GABRG3: variants seen among roughly 807,000 people sequenced by gnomAD.
GABRG3 encodes gamma-aminobutyric acid type A receptor subunit gamma3.
In GABRG3, 25 loss-of-function variants were observed where a neutral mutation model predicts 48.8. That is an observed-to-expected ratio of 0.51 (90% CI 0.37 to 0.72). The LOEUF is 0.72. Ranked by LOEUF, GABRG3 falls within the 30% of genes least tolerant of loss-of-function variation. GABRG3 has a pLI of 0.00. For missense variants in GABRG3, 394 were observed against 577.9 expected, an observed-to-expected ratio of 0.68 and a Z score of 3.26; for synonymous variants, 227 against 217.6, an observed-to-expected ratio of 1.04 and a Z score of -0.38.
intron 3 of GABRG3, among the ~76,000 whole-genome samples, chr15:27,051,361 T>C (rs1896452838): frequency 6.6e-6 from 1 of 152,202 alleles, no homozygotes; most frequent in African/African-American, 2.4e-5. Flanking sequence ...TAAACTATAG[T>C]GAATTAGCCA....
chr15:27,118,754 C>T (rs1897684139), intron 3 of GABRG3, among the ~76,000 whole-genome samples: 2 of 152,128 alleles, frequency 1.3e-5, no homozygotes, highest in South Asian at 4.2e-4. Flanking sequence ...CTATATTTAC[C>T]CTTCATGTAT....
At chr15:27,245,614 C>CTG (rs1440727153) in intron 3 of GABRG3, among the ~76,000 whole-genome samples, 1 of 152,146 alleles carries the variant, frequency 6.6e-6, no homozygotes, top group African/African-American at 2.4e-5. Flanking sequence ...TGGCTCACAC[C>CTG]TGTAATCCCA....
Position 27,480,724 on chromosome 15 carries a change from C to A in GABRG3, c.649C>A (p.Arg217=), listed in dbSNP as rs77287112. The change falls in exon 6 of 10, where the codon CGG becomes AGG. Residue 217 remains arginine (R), a synonymous_variant. Transcript: ENST00000615808. ...GGAGGCAGCTGACCAGAAATCATGGCGGCTTTATCAGTTTGACTTCATGGG... is the reference window on the plus strand; with the variant it reads ...GGAGGCAGCTGACCAGAAATCATGGAGGCTTTATCAGTTTGACTTCATGGG... The part of the protein sequence containing the change: ...SVEAADQKSW[R]LYQFDFMGLR... 6.2e-7 allele frequency: 1 copy of A among 1,613,400 alleles called. No homozygotes were observed. The highest frequency in any genetic ancestry group is 8.5e-7 in the Non-Finnish European group (1 of 1,179,674).
chr15:27,011,708 T>C (rs993523407), intron 2 of GABRG3, among the ~76,000 whole-genome samples: 6 of 151,480 alleles, frequency 4.0e-5, no homozygotes, highest in African/African-American at 1.2e-4. Flanking sequence ...ATTAGCCGGG[T>C]GTGGTGGTGG....
At chr15:27,455,370 G>A (rs1889232921) in intron 5 of GABRG3, among the ~76,000 whole-genome samples, 2 of 93,622 alleles carry the variant, frequency 2.1e-5, no homozygotes, top group Non-Finnish European at 4.6e-5. Flanking sequence ...GCCGTGGGTG[G>A]TTCGTGTATG....
intron 3 of GABRG3, among the ~76,000 whole-genome samples, chr15:27,171,573 T>TAG (rs1887574442): frequency 1.3e-5 from 2 of 149,912 alleles, no homozygotes; most frequent in East Asian, 1.9e-4. Context: ...TATATATATA[T>TAG]ATAGAGAGAG....
rs148189681 is a variant in GABRG3 at position 27,270,702 on chromosome 15, G to A, written c.271-56107G>A. Among the ~76,000 whole-genome samples, 30 of 152,216 alleles carry A rather than the reference G, an allele frequency of 2.0e-4. No homozygotes were observed. In the East Asian group the frequency reaches 3.3e-3, roughly 17 times the overall value. ...ACTACAGCAAATAACAATGGAGTGCGTATTTCAAGAGTGTTAGAGATGTAA... is the reference window on the plus strand; with the variant it reads ...ACTACAGCAAATAACAATGGAGTGCATATTTCAAGAGTGTTAGAGATGTAA... On this transcript the variant is annotated intron_variant, in intron 3 of 9. Transcript: ENST00000615808.
intron 5 of GABRG3, among the ~76,000 whole-genome samples, chr15:27,466,788 G>A (rs982017144): frequency 3.9e-5 from 6 of 152,182 alleles, no homozygotes; most frequent in Admixed American, 3.3e-4. Context: ...GCAGTGGGGC[G>A]ACTGCTGCTC....
chr15:27,374,285 A>T (rs763943581), intron 5 of GABRG3, among the ~76,000 whole-genome samples: 1 of 151,424 alleles, frequency 6.6e-6, no homozygotes. Flanking sequence ...GGTTTGCACC[A>T]CCATGCCTGG....
At chr15:27,022,957 A>G (rs1895924059) in intron 2 of GABRG3, among the ~76,000 whole-genome samples, 1 of 152,188 alleles carries the variant, frequency 6.6e-6, no homozygotes, top group Admixed American at 6.5e-5. Flanking sequence ...CCATCAACGG[A>G]GCAAATGTGG....
chr15:27,414,793 G>A (rs550985360), intron 5 of GABRG3, among the ~76,000 whole-genome samples: 9 of 152,168 alleles, frequency 5.9e-5, no homozygotes, highest in East Asian at 1.9e-4. Flanking sequence ...TTGCTTTATC[G>A]TCATTTTCCT....
chr15:27,334,919 G>T (rs1893914635), intron 5 of GABRG3, among the ~76,000 whole-genome samples: 1 of 152,148 alleles, frequency 6.6e-6, no homozygotes, highest in Non-Finnish European at 1.5e-5. Context: ...AAAACTTTTG[G>T]TCTACCAAAA....
At chr15:27,517,998 T>C (rs186794932) in intron 6 of GABRG3, among the ~76,000 whole-genome samples, 8 of 152,210 alleles carry the variant, frequency 5.3e-5, no homozygotes, top group African/African-American at 1.2e-4. Context: ...TTCTAATTTA[T>C]TGGGAGCATA....
intron 5 of GABRG3, among the ~76,000 whole-genome samples, chr15:27,433,682 G>A (rs1365495142): frequency 6.6e-6 from 1 of 152,164 alleles, no homozygotes; most frequent in Non-Finnish European, 1.5e-5. Flanking sequence ...AGTATTGTAT[G>A]TGTGTCGATA....
chr15:27,323,830 A>G (rs1419152696), intron 3 of GABRG3, among the ~76,000 whole-genome samples: 1 of 152,074 alleles, frequency 6.6e-6, no homozygotes, highest in Non-Finnish European at 1.5e-5. Context: ...ACTGCTCTGG[A>G]TGCTTCTCAC....
intron 3 of GABRG3, among the ~76,000 whole-genome samples, chr15:27,034,612 C>A (rs1401489433): frequency 1.3e-5 from 2 of 151,972 alleles, no homozygotes; most frequent in Non-Finnish European, 2.9e-5. Context: ...TCTCCAAGAA[C>A]AAAAAAGAAG....
At chr15:27,485,488 G>A (rs546025488) in intron 6 of GABRG3, among the ~76,000 whole-genome samples, 1 of 152,256 alleles carries the variant, frequency 6.6e-6, no homozygotes, top group Admixed American at 6.5e-5. Flanking sequence ...GCATGCCACT[G>A]GAGCTAGAGC....
intron 6 of GABRG3, among the ~76,000 whole-genome samples, chr15:27,506,738 G>A: frequency 6.6e-6 from 1 of 152,248 alleles, no homozygotes; most frequent in East Asian, 1.9e-4. Context: ...TAATGTAGCA[G>A]TAGAAAAACT....
chr15:27,279,068 A>G (rs1891348624), intron 3 of GABRG3, among the ~76,000 whole-genome samples: 1 of 152,136 alleles, frequency 6.6e-6, no homozygotes, highest in Non-Finnish European at 1.5e-5. Flanking sequence ...CTTATTTGCC[A>G]TCAGTATCTC....
Sources: allele counts gnomAD v4.1 joint callset (sites outside exome capture counted in the v4.1 genomes callset), GRCh38; gene constraint gnomAD v4.1.1; transcripts MANE v1.5; gene names NCBI Gene and HGNC (gene_info 2026-07-23, HGNC 2026-07-21).